The following KIAA1671 variants were observed in gnomAD, a reference collection of about 807,000 sequenced individuals.
The protein encoded by KIAA1671 is uncharacterized protein KIAA1671.
KIAA1671 carries 52 observed loss-of-function variants against 131.2 expected under a neutral mutation model. The ratio of observed to expected loss-of-function variants is 0.40; its 90% CI spans 0.32 to 0.50. The LOEUF (loss-of-function observed/expected upper bound fraction) is 0.50, where lower values mean the gene tolerates loss of function less well. KIAA1671 is among the 20% of genes least tolerant of loss of function. The probability of loss-of-function intolerance (pLI) is 0.73; values close to 1 mark genes in which losing one functional copy is unlikely to be tolerated. For missense variants in KIAA1671, 2,360 were observed against 2,364.2 expected, an observed-to-expected ratio of 1.00 and a Z score of 0.04; for synonymous variants, 1,003 against 961.6, an observed-to-expected ratio of 1.04 and a Z score of -0.80.
intron 2 of KIAA1671, among the ~76,000 whole-genome samples, chr22:25,026,522 G>C (rs1011789578): frequency 2.5e-4 from 38 of 152,158 alleles, no homozygotes; most frequent in Non-Finnish European, 5.4e-4. Flanking sequence ...CCTGAGGTCA[G>C]GAGTTCGAGA....
At chr22:25,073,549 T>A (rs531652603) in intron 6 of KIAA1671, among the ~76,000 whole-genome samples, 6 of 152,350 alleles carry the variant, frequency 3.9e-5, no homozygotes, top group South Asian at 4.1e-4. Flanking sequence ...ACCTGAGATC[T>A]ACTCTCTCAA....
At chr22:25,120,009 A>G (rs1036418013) in intron 6 of KIAA1671, among the ~76,000 whole-genome samples, 5 of 152,118 alleles carry the variant, frequency 3.3e-5, no homozygotes, top group Admixed American at 3.3e-4. Flanking sequence ...GGAGTGTTGG[A>G]AGAGAAGAAC....
chr22:25,039,630 A>G lies in KIAA1671; in HGVS notation c.2500A>G (p.Thr834Ala), dbSNP rs1926803615. The G allele has an allele frequency of 6.5e-7, 1 of 1,548,912 alleles. No homozygotes were observed. The highest frequency in any genetic ancestry group is 2.5e-5 in the East Asian group (1 of 40,808). The change falls in exon 5 of 13, where the codon ACC becomes GCC. Residue 834 changes from threonine (T) to alanine (A), a missense_variant. By Grantham distance (58) the Thr-to-Ala change is moderately conservative. This residue lies in a region of KIAA1671 where 1,185 missense variants were observed against 1,126.2 expected (regional missense o/e 1.05). Transcript: ENST00000358431. ...GGCAGTGGTGAGCTCGCACAAAGCCACCGTGGCAGTCAGCGAAGAGCACTG... is the reference window on the plus strand; with the variant it reads ...GGCAGTGGTGAGCTCGCACAAAGCCGCCGTGGCAGTCAGCGAAGAGCACTG... ...GGAVVSSHKATVAVSEEHCAP... is the reference protein window; with the variant it reads ...GGAVVSSHKAAVAVSEEHCAP...
chr22:25,069,513 T>C (rs1195422696), intron 6 of KIAA1671, among the ~76,000 whole-genome samples: 1 of 152,210 alleles, frequency 6.6e-6, no homozygotes, highest in Non-Finnish European at 1.5e-5. Context: ...CATGCTGGGC[T>C]GGGTGTCCAC....
At position 25,028,734 on chromosome 22, in the gene KIAA1671, C is replaced by T. The variant is rs1438928047; in HGVS notation, c.735C>T (p.Ala245=). 1.3e-6 allele frequency: 2 copies of T among 1,551,186 alleles called. No homozygotes were observed. The highest frequency in any genetic ancestry group is 2.4e-5 in the East Asian group (1 of 40,930). ...GCCTGAAGAGAAGGCCCGTGTCTGC[C>T]ATTTTCACGGAGTCCATTCAGCCTC... ...RPRLKRRPVS[A]IFTESIQPQK... is the part of the protein sequence containing the mutation. The change falls in exon 3 of 13, where the codon GCC becomes GCT. Residue 245 remains alanine, a synonymous_variant. Transcript: ENST00000358431.
At chr22:25,086,667 G>A (rs1929737707) in intron 6 of KIAA1671, among the ~76,000 whole-genome samples, 2 of 152,270 alleles carry the variant, frequency 1.3e-5, no homozygotes, top group African/African-American at 4.8e-5. Context: ...CCCCACTGCA[G>A]ACTTTTCCTG....
intron 6 of KIAA1671, among the ~76,000 whole-genome samples, chr22:25,103,291 A>G (rs920891172): frequency 2.0e-5 from 3 of 150,680 alleles, no homozygotes; most frequent in Admixed American, 6.6e-5. Flanking sequence ...GCTCACTGCA[A>G]CCTCTGCCTC....
At chr22:25,000,852 G>C (rs1340705819) in intron 1 of KIAA1671, among the ~76,000 whole-genome samples, 1 of 149,916 alleles carries the variant, frequency 6.7e-6, no homozygotes, top group Non-Finnish European at 1.5e-5. Context: ...TTCTTGCCAT[G>C]TTTTCCAGGC....
chr22:25,145,958 A>C (rs552027260), intron 6 of KIAA1671, among the ~76,000 whole-genome samples: 404 of 152,106 alleles, frequency 2.7e-3, no homozygotes, highest in African/African-American at 7.1e-3. Context: ...AAAAAAAAAA[A>C]AACAACAACA....
At chr22:25,084,964 G>T (rs550986101) in intron 6 of KIAA1671, among the ~76,000 whole-genome samples, 7 of 152,364 alleles carry the variant, frequency 4.6e-5, no homozygotes, top group African/African-American at 1.7e-4. Flanking sequence ...TGGCAAAGAA[G>T]GCAAACGCCA....
At chr22:25,006,440 G>C (rs1924756063) in intron 1 of KIAA1671, among the ~76,000 whole-genome samples, 1 of 152,084 alleles carries the variant, frequency 6.6e-6, no homozygotes, top group African/African-American at 2.4e-5. Context: ...TTAACAATTG[G>C]GAATGGGGGA....
rs1555884283 is a variant in KIAA1671 at position 25,165,017 on chromosome 22, G to GTGTC, written c.4531-5800_4531-5799insCTGT. 3.4e-5 allele frequency among the ~76,000 whole-genome samples: 5 copies of GTGTC among 147,058 alleles called. No individual in the cohort carries two copies. In the East Asian group the frequency reaches 9.9e-4, roughly 29 times the overall value. On this transcript the variant is annotated intron_variant, in intron 6 of 12. Coordinates refer to ENST00000358431, the MANE Select transcript of KIAA1671 (RefSeq NM_001145206.2). ...TGTGTGTGTGTGTGTGTGTGTGTGTGTGTGTCTGTGGTTGATTTTGAGGCC... is the reference window on the plus strand; with the variant it reads ...TGTGTGTGTGTGTGTGTGTGTGTGTGTGTCTGTGTCTGTGGTTGATTTTGAGGCC...
intron 6 of KIAA1671, among the ~76,000 whole-genome samples, chr22:25,121,027 C>T (rs1341088872): frequency 6.6e-6 from 1 of 152,208 alleles, no homozygotes; most frequent in Non-Finnish European, 1.5e-5. Context: ...TTCTCTCCCT[C>T]TCCCTGCGTT....
intron 1 of KIAA1671, among the ~76,000 whole-genome samples, chr22:24,973,878 T>G (rs1922771592): frequency 6.6e-6 from 1 of 152,082 alleles, no homozygotes; most frequent in Non-Finnish European, 1.5e-5. Context: ...CTCCCAAAAA[T>G]CTGGGTGAAA....
intron 1 of KIAA1671, among the ~76,000 whole-genome samples, chr22:25,005,346 T>TAAAAAAAA (rs569086369): frequency 3.6e-5 from 4 of 111,478 alleles, no homozygotes; most frequent in African/African-American, 6.7e-5. Flanking sequence ...AGACTCCATC[T>TAAAAAAAA]AAAAAAAAAA....
At chr22:25,073,587 A>G (rs1014346429) in intron 6 of KIAA1671, among the ~76,000 whole-genome samples, 1 of 152,224 alleles carries the variant, frequency 6.6e-6, no homozygotes, top group Non-Finnish European at 1.5e-5. Flanking sequence ...ATACAATACC[A>G]TTAACTATAG....
At chr22:25,000,550 C>T (rs755425005) in intron 1 of KIAA1671, among the ~76,000 whole-genome samples, 8 of 142,130 alleles carry the variant, frequency 5.6e-5, no homozygotes, top group Admixed American at 2.9e-4. Context: ...TTTTGAGACA[C>T]GTCTGGCCCA....
At chr22:25,045,435 G>A (rs1927169976) in intron 5 of KIAA1671, among the ~76,000 whole-genome samples, 1 of 152,196 alleles carries the variant, frequency 6.6e-6, no homozygotes, top group African/African-American at 2.4e-5. Context: ...AGCCCCCACT[G>A]CAAAGAATGC....
chr22:25,033,995 A>G (rs1926447988), intron 4 of KIAA1671, among the ~76,000 whole-genome samples: 1 of 151,594 alleles, frequency 6.6e-6, no homozygotes, highest in African/African-American at 2.4e-5. Context: ...CCACCATCAC[A>G]GTCAGAATAG....
Sources: allele counts gnomAD v4.1 joint callset (sites outside exome capture counted in the v4.1 genomes callset), GRCh38; gene constraint gnomAD v4.1.1; regional missense constraint gnomAD v4.1.1; transcripts MANE v1.5; gene names NCBI Gene and HGNC (gene_info 2026-07-23, HGNC 2026-07-21).